Variants in SEMA5B observed in about 807,000 individuals in gnomAD.
SEMA5B encodes the protein semaphorin-5B.
In SEMA5B, 66 loss-of-function variants were observed where a neutral mutation model predicts 135.0. That is an observed-to-expected ratio of 0.49 (90% CI 0.40 to 0.60). SEMA5B has a LOEUF of 0.60. Ranked by LOEUF, SEMA5B falls within the 20% of genes least tolerant of loss-of-function variation. SEMA5B has a pLI of 0.00. For missense variants in SEMA5B, 1,501 were observed against 1,566.3 expected (o/e 0.96, Z 0.70); for synonymous variants, 690 against 639.5 (o/e 1.08, Z -1.19).
intron 1 of SEMA5B, among the ~76,000 whole-genome samples, chr3:122,979,158 G>A (rs1053588916): frequency 3.9e-5 from 6 of 152,212 alleles, no homozygotes; most frequent in African/African-American, 1.4e-4. Context: ...TCAGGTGTCT[G>A]AAGGGTTATA....
At chr3:123,005,843 T>C (rs1019481885) in intron 1 of SEMA5B, among the ~76,000 whole-genome samples, 1 of 152,176 alleles carries the variant, frequency 6.6e-6, no homozygotes, top group East Asian at 1.9e-4. Flanking sequence ...ACTGTTTTTG[T>C]CTCCATCCCA....
At position 122,927,868 on chromosome 3, in the gene SEMA5B, G is replaced by A. The variant is rs1186697199; in HGVS notation, c.772C>T (p.Arg258Trp). The change falls in exon 8 of 23, where the codon CGG becomes TGG. Residue 258 changes from arginine (R) to tryptophan (W), a missense_variant. By Grantham distance (101) the Arg-to-Trp change is moderately radical. This residue lies in a region of SEMA5B where 574 missense variants were observed against 684.7 expected (regional missense o/e 0.84). Transcript: ENST00000357599. Reference protein sequence around the residue: ...YAATVIDFSGRDPAIYRSLGS... With the variant: ...YAATVIDFSGWDPAIYRSLGS... ...AGGCTGCGGTAGATGGCAGGGTCCC[G>A]ACCTGAGAAGTCGATGACCGTGGCT... The A allele has an allele frequency of 3.1e-6, 5 of 1,593,990 alleles. No individual in the cohort carries two copies. The highest frequency in any genetic ancestry group is 2.3e-5 in the East Asian group (1 of 43,340).
At chr3:122,967,831 AGAG>A (rs951799382) in intron 1 of SEMA5B, among the ~76,000 whole-genome samples, 1 of 152,342 alleles carries the variant, frequency 6.6e-6, no homozygotes, top group Middle Eastern at 3.4e-3. Context: ...CTGCCTTCCC[AGAG>A]GAGGACTGAG....
intron 2 of SEMA5B, among the ~76,000 whole-genome samples, chr3:122,956,268 G>A (rs1413073111): frequency 1.3e-5 from 2 of 152,244 alleles, no homozygotes; most frequent in African/African-American, 4.8e-5. Flanking sequence ...GTTCCCTGTG[G>A]GTTCTGGGTT....
At chr3:122,986,936 G>A (rs894817531) in intron 1 of SEMA5B, among the ~76,000 whole-genome samples, 30 of 152,204 alleles carry the variant, frequency 2.0e-4, no homozygotes, top group African/African-American at 7.2e-5. Flanking sequence ...TGGGGAGCTT[G>A]TGTGGGGCCC....
At chr3:122,978,746 C>A (rs561494414) in intron 1 of SEMA5B, among the ~76,000 whole-genome samples, 1 of 152,150 alleles carries the variant, frequency 6.6e-6, no homozygotes, top group South Asian at 2.1e-4. Context: ...ATCCTCAGGG[C>A]CTTGCGTGAT....
chr3:122,990,032 C>T (rs1233943628), intron 1 of SEMA5B, among the ~76,000 whole-genome samples: 1 of 152,192 alleles, frequency 6.6e-6, no homozygotes, highest in African/African-American at 2.4e-5. Flanking sequence ...AACTTACCTA[C>T]CAGAATCGAG....
At chr3:122,985,575 T>G (rs1941672704) in intron 1 of SEMA5B, among the ~76,000 whole-genome samples, 1 of 151,924 alleles carries the variant, frequency 6.6e-6, no homozygotes, top group Non-Finnish European at 1.5e-5. Context: ...AAGTACTGGA[T>G]CTAGGATTTG....
Position 122,915,834 on chromosome 3 carries a change from C to T in SEMA5B, c.1745G>A (p.Cys582Tyr). 6.2e-7 allele frequency: 1 copy of T among 1,614,092 alleles called. No individual in the cohort carries two copies. The highest frequency in any genetic ancestry group is 8.5e-7 in the Non-Finnish European group (1 of 1,180,016). The change falls in exon 13 of 23, where the codon TGC becomes TAC. Residue 582 changes from cysteine to tyrosine, a missense_variant. This residue lies in a region of SEMA5B where 927 missense variants were observed against 881.6 expected (regional missense o/e 1.05). Coordinates refer to ENST00000357599, the MANE Select transcript of SEMA5B (RefSeq NM_001031702.4). Reference protein sequence around the residue: ...YCGWDGKQQRCSTLEDSSNMS... With the variant: ...YCGWDGKQQRYSTLEDSSNMS... Reference sequence around the variant, plus strand: ...GTTGGAGCTGTCCTCGAGTGTGCTGCAACGTTGCTGCTTCCCGTCCCAGCC... The same window carrying T: ...GTTGGAGCTGTCCTCGAGTGTGCTGTAACGTTGCTGCTTCCCGTCCCAGCC...
chr3:122,912,855 G>T lies in SEMA5B; in HGVS notation c.2713C>A (p.Gln905Lys), dbSNP rs760423275. The T allele has an allele frequency of 6.3e-7, 1 of 1,586,588 alleles. No homozygotes were observed. The highest frequency in any genetic ancestry group is 1.8e-5 in the Admixed American group (1 of 56,996). Residue 905 changes from glutamine (Q) to lysine (K), a missense_variant, in exon 18 of 23, where the codon CAG becomes AAG. Physicochemically the swap from Gln to Lys is moderately conservative, Grantham distance 53. Transcript: ENST00000357599. ...DAAEYQDCNP[Q>K]ACPVRGAWSC... is the part of the protein sequence containing the mutation. Reference sequence around the variant, plus strand: ...CGTGCAGGGTTACCTGGGCAAGCCTGGGGGTTGCAGTCCTGGTACTCGGCA... The same window carrying T: ...CGTGCAGGGTTACCTGGGCAAGCCTTGGGGTTGCAGTCCTGGTACTCGGCA...
chr3:122,941,108 A>T (rs1053786182), intron 4 of SEMA5B, among the ~76,000 whole-genome samples: 6 of 152,304 alleles, frequency 3.9e-5, no homozygotes, highest in Non-Finnish European at 7.4e-5. Context: ...TGAATAAAAA[A>T]TTTCCCTAGC....
chr3:122,934,107 A>G (rs150039059), intron 5 of SEMA5B, among the ~76,000 whole-genome samples: 1,512 of 149,850 alleles, frequency 0.01, 19 homozygotes, highest in African/African-American at 0.033. Context: ...GAGTTTCACC[A>G]TGCTGGCCAG....
At chr3:122,970,597 T>C (rs1364431317) in intron 1 of SEMA5B, among the ~76,000 whole-genome samples, 5 of 152,372 alleles carry the variant, frequency 3.3e-5, no homozygotes, top group African/African-American at 1.2e-4. Flanking sequence ...GAGGTAATCA[T>C]GTCCTTTAGA....
At chr3:122,946,895 G>C (rs1939812630) in intron 3 of SEMA5B, among the ~76,000 whole-genome samples, 2 of 152,102 alleles carry the variant, frequency 1.3e-5, no homozygotes, top group Non-Finnish European at 2.9e-5. Flanking sequence ...ATGCATACCT[G>C]AGGGTCAAAA....
chr3:122,922,567 C>T, intron 10 of SEMA5B, 120 bp from the exon 11 acceptor site: 1 of 884,680 alleles, frequency 1.1e-6, no homozygotes, highest in Middle Eastern at 3.3e-4. Context: ...CTCCAGCACC[C>T]CCCACCCCTA....
At chr3:122,966,156 T>C (rs1389018076) in intron 1 of SEMA5B, among the ~76,000 whole-genome samples, 1 of 152,180 alleles carries the variant, frequency 6.6e-6, no homozygotes, top group Admixed American at 6.5e-5. Context: ...CCCACACTCT[T>C]ATTTGGCACT....
At chr3:123,009,972 C>T (rs1942399219) in intron 1 of SEMA5B, among the ~76,000 whole-genome samples, 1 of 152,174 alleles carries the variant, frequency 6.6e-6, no homozygotes, top group African/African-American at 2.4e-5. Context: ...ACAGGCAGCA[C>T]CAGGAGCTGA....
chr3:122,964,510 C>T (rs1940734008), intron 1 of SEMA5B, among the ~76,000 whole-genome samples: 1 of 152,198 alleles, frequency 6.6e-6, no homozygotes, highest in Non-Finnish European at 1.5e-5. Flanking sequence ...TGTTTAAATG[C>T]TTGCAACCAC....
At chr3:122,942,887 G>A (rs1939620460) in intron 4 of SEMA5B, among the ~76,000 whole-genome samples, 1 of 152,188 alleles carries the variant, frequency 6.6e-6, no homozygotes, top group Non-Finnish European at 1.5e-5. Context: ...GGTTTCATGA[G>A]GAATGAGCTC....
Sources: allele counts gnomAD v4.1 joint callset (sites outside exome capture counted in the v4.1 genomes callset), GRCh38; gene constraint gnomAD v4.1.1; regional missense constraint gnomAD v4.1.1; transcripts MANE v1.5; gene names NCBI Gene and HGNC (gene_info 2026-07-23, HGNC 2026-07-21).